The following LOC128125822 variants were observed in gnomAD, a reference collection of about 807,000 sequenced individuals.
the LOC128125822 span, chr6:63,578,552 G>A: frequency 1.9e-6 from 3 of 1,602,554 alleles, no homozygotes; most frequent in South Asian, 1.1e-5. Flanking sequence ...CAGTTCTTAT[G>A]GGTTTATGGT....
the LOC128125822 span, chr6:63,576,898 C>T: frequency 1.2e-6 from 2 of 1,613,520 alleles, no homozygotes; most frequent in Admixed American, 1.7e-5. Flanking sequence ...GAATGAACCG[C>T]CCAGCTCCTG....
the LOC128125822 span, chr6:63,578,547 C>A: frequency 2.5e-6 from 4 of 1,605,790 alleles, no homozygotes; most frequent in South Asian, 2.2e-5. Context: ...TTTAACAGTT[C>A]TTATGGGTTT....
the LOC128125822 span, chr6:63,572,488 G>A: frequency 2.6e-6 from 1 of 389,424 alleles, no homozygotes; most frequent in Non-Finnish European, 4.5e-6. Flanking sequence ...GCGCCTCGGC[G>A]CGTGTATTGG....
chr6:63,576,999 T>G, the LOC128125822 span: 1 of 1,583,598 alleles, frequency 6.3e-7, no homozygotes, highest in Non-Finnish European at 8.7e-7. Flanking sequence ...AGATTTGATA[T>G]GTTTTAGTAG....
the LOC128125822 span, chr6:63,576,396 A>G: frequency 7.5e-6 from 3 of 399,726 alleles, no homozygotes; most frequent in African/African-American, 6.2e-5. Flanking sequence ...TGAATTGGAA[A>G]ATAACTTATT....
At chr6:63,578,599 A>G in the LOC128125822 span, 1 of 1,537,212 alleles carries the variant, frequency 6.5e-7, no homozygotes, top group Non-Finnish European at 8.7e-7. Flanking sequence ...AGTAAATTCA[A>G]ATAAATATCT....
the LOC128125822 span, chr6:63,577,061 C>T: frequency 4.2e-6 from 5 of 1,184,956 alleles, no homozygotes; most frequent in South Asian, 6.9e-5. Context: ...AAAATAAAAA[C>T]TACTTTGGAA....
the LOC128125822 span, chr6:63,576,573 A>G: frequency 2.2e-6 from 1 of 456,522 alleles, no homozygotes; most frequent in Non-Finnish European, 3.8e-6. Flanking sequence ...AGCCCCCATA[A>G]GAGTGGTTAT....
At chr6:63,580,313 G>A in the LOC128125822 span, 1 of 704,056 alleles carries the variant, frequency 1.4e-6, no homozygotes, top group East Asian at 2.5e-5. Context: ...CAGGCCTCAA[G>A]CTAGACAGAT....
the LOC128125822 span, among the ~76,000 whole-genome samples, chr6:63,578,101 C>T: frequency 6.6e-6 from 1 of 151,992 alleles, no homozygotes; most frequent in African/African-American, 2.4e-5. Context: ...TGCTGCTAGC[C>T]CCTTTTGGTT....
chr6:63,580,121 C>A, the LOC128125822 span: 1 of 1,613,060 alleles, frequency 6.2e-7, no homozygotes, highest in East Asian at 2.2e-5. Context: ...TCCTAAAATG[C>A]GGCTGCGTTT....
chr6:63,582,261 A>C, the LOC128125822 span: 1 of 152,582 alleles, frequency 6.6e-6, no homozygotes, highest in African/African-American at 2.4e-5. Flanking sequence ...ACTAAATGTT[A>C]AACTATTACC....
chr6:63,578,813 A>T, the LOC128125822 span: 1 of 1,302,908 alleles, frequency 7.7e-7, no homozygotes, highest in Non-Finnish European at 1.0e-6. Flanking sequence ...ATGCTTTTGA[A>T]AACATTTCCA....
chr6:63,579,187 T>C, the LOC128125822 span: 2 of 1,490,860 alleles, frequency 1.3e-6, no homozygotes, highest in East Asian at 4.6e-5. Context: ...AGTTGGGGAA[T>C]GTTTGGAGAA....
the LOC128125822 span, among the ~76,000 whole-genome samples, chr6:63,574,571 A>G: frequency 7.9e-5 from 12 of 152,178 alleles, no homozygotes; most frequent in African/African-American, 2.9e-4. Flanking sequence ...TTCCTGATGA[A>G]AGTGCTTACT....
At chr6:63,574,378 C>T in the LOC128125822 span, among the ~76,000 whole-genome samples, 56 of 152,154 alleles carry the variant, frequency 3.7e-4, no homozygotes, top group African/African-American at 1.3e-3. Flanking sequence ...GGAAAAAATC[C>T]CCATTATGGA....
chr6:63,576,361 G>C, the LOC128125822 span: 1 of 397,802 alleles, frequency 2.5e-6, no homozygotes, highest in East Asian at 3.6e-5. Flanking sequence ...TACTTAAATA[G>C]TGTAAAACCC....
the LOC128125822 span, chr6:63,579,997 A>AG: frequency 7.9e-7 from 1 of 1,259,396 alleles, no homozygotes; most frequent in Non-Finnish European, 1.1e-6. Context: ...TCTATAAGAC[A>AG]CTAAATATTA....
the LOC128125822 span, chr6:63,573,136 C>T: frequency 6.3e-6 from 1 of 159,214 alleles, no homozygotes; most frequent in Non-Finnish European, 1.4e-5. Context: ...CCGGGCATGG[C>T]AGGCTCCGCG....
Sources: gnomAD v4.1 joint callset for allele counts (sites outside exome capture counted in the v4.1 genomes callset) on GRCh38, gnomAD v4.1.1 for gene constraint, MANE v1.5 for transcripts.